Variants in CD82 observed in about 807,000 individuals in gnomAD.
CD82 encodes CD82 molecule.
A neutral mutation model predicts 37.4 loss-of-function variants in CD82; 36 were observed. That is an observed-to-expected ratio of 0.96 (90% CI 0.74 to 1.27). The LOEUF (loss-of-function observed/expected upper bound fraction) is 1.27. CD82 is among the 50% of genes most tolerant of loss of function. The pLI is 0.00. For synonymous variants in CD82, 158 were observed against 137.4 expected (o/e 1.15, Z -1.05); for missense variants, 340 against 347.0 (o/e 0.98, Z 0.16).
At chr11:44,564,432 A>T, upstream of CD82, 1 of 456,130 alleles carries the variant, frequency 2.2e-6, no homozygotes, top group Non-Finnish European at 4.4e-6. Flanking sequence ...GTGTTGTGAG[A>T]GGACATTGTG....
In CD82 at chr11:44,587,223, A is replaced by G. The variant is rs181300177; in HGVS notation, c.-102-252A>G. 5.8e-3 allele frequency: 1,993 copies of G among 345,280 alleles called. 9 individuals are homozygous for G. Among genetic ancestry groups the G allele is most frequent in the Non-Finnish European group, 7.7e-3 (1,342 of 173,276 alleles). The allele number at this position is 345,280 out of a possible 1,614,324, so 21.4% of individuals were successfully genotyped here. On this transcript the variant is annotated intron_variant, in intron 1 of 9. Transcript: ENST00000227155. Reference sequence around the variant, plus strand: ...CAAGGCTTGTGGGAAAATACGGGAAAAGAGTAATTCTGGCAGAGAAACCCT... The same window carrying G: ...CAAGGCTTGTGGGAAAATACGGGAAGAGAGTAATTCTGGCAGAGAAACCCT...
chr11:44,587,166 C>G, intron 1 of CD82: 1 of 340,910 alleles, frequency 2.9e-6, no homozygotes, highest in South Asian at 2.3e-5. Context: ...TTAGGGAGGG[C>G]CTTTGGGAGG....
chr11:44,586,652 T>A (rs1360816950), intron 1 of CD82, among the ~76,000 whole-genome samples: 2 of 152,054 alleles, frequency 1.3e-5, no homozygotes, highest in Admixed American at 6.6e-5. Flanking sequence ...CAGAGTGAGG[T>A]CCTGTCTCAA....
In CD82 at chr11:44,597,129, G is replaced by C. The variant is rs1853240227; in HGVS notation, c.63+2404G>C. ...TGGGAGGGGTTTCGTGGTTGGATTT[G>C]TGGTTTGGAAAAATCCCCGTGGCTG... On this transcript the variant is annotated intron_variant, in intron 3 of 9. Transcript: ENST00000227155. This position sits in a 1 kb window ranked among gnomAD's most constrained non-coding sequence, Gnocchi z 4.1. 6.6e-6 allele frequency among the ~76,000 whole-genome samples: 1 copy of C among 152,214 alleles called. No individual in the cohort carries two copies. The highest frequency in any genetic ancestry group is 2.4e-5 in the African/African-American group (1 of 41,440).
intron 1 of CD82, among the ~76,000 whole-genome samples, chr11:44,583,396 T>C (rs1205438789): frequency 6.6e-6 from 1 of 152,186 alleles, no homozygotes; most frequent in Non-Finnish European, 1.5e-5. Context: ...AAGCAAAACC[T>C]CCTGAGAAGG....
chr11:44,604,937 G>A (rs1440283547), intron 4 of CD82, 121 bp from the exon 5 acceptor site: 1 of 1,378,970 alleles, frequency 7.3e-7, no homozygotes, highest in Non-Finnish European at 1.0e-6. Context: ...AGCCAGCAGG[G>A]GAATGCAGCT....
At chr11:44,590,570 C>T (rs7350504) in intron 2 of CD82, among the ~76,000 whole-genome samples, 1,881 of 131,934 alleles carry the variant, frequency 0.014, 21 homozygotes, top group Admixed American at 0.022. Context: ...AAGATTGTGC[C>T]TCTGCCCTCC....
intron 8 of CD82, 55 bp downstream of exon 8, chr11:44,618,420 T>A: frequency 6.7e-7 from 1 of 1,484,068 alleles, no homozygotes; most frequent in Non-Finnish European, 9.3e-7. Context: ...GGGGGCCATC[T>A]GGGCTACTGC....
At chr11:44,618,447 G>A in intron 8 of CD82, 82 bp downstream of exon 8, 1 of 1,260,034 alleles carries the variant, frequency 7.9e-7, no homozygotes, top group Non-Finnish European at 1.1e-6. Context: ...ATTCCTTCCT[G>A]CATTTAGTTC....
At chr11:44,596,606 C>T (rs1360453960) in intron 3 of CD82, among the ~76,000 whole-genome samples, 1 of 152,144 alleles carries the variant, frequency 6.6e-6, no homozygotes, top group Non-Finnish European at 1.5e-5. Flanking sequence ...CCTTTTGGCT[C>T]CTCCAGGGGC....
chr11:44,619,340 A>C lies in CD82; in HGVS notation c.*214A>C, dbSNP rs1590355332. 4 of 557,222 alleles carry C rather than the reference A, an allele frequency of 7.2e-6. No homozygotes were observed. Among genetic ancestry groups the C allele is most frequent in the East Asian group, 6.0e-5 (2 of 33,576 alleles). The allele number at this position is 557,222 out of a possible 1,614,324, so 34.5% of individuals were successfully genotyped here. ...TGGCTGTTCTGTGGTTCCTCTGCTCACCGCCCATCAGGGTTCTCTTAGCAA... is the reference window on the plus strand; with the variant it reads ...TGGCTGTTCTGTGGTTCCTCTGCTCCCCGCCCATCAGGGTTCTCTTAGCAA... On this transcript the variant is annotated 3_prime_UTR_variant, in exon 10 of 10. Coordinates refer to ENST00000227155, the MANE Select transcript of CD82 (RefSeq NM_002231.4).
chr11:44,593,258 C>T (rs751800417), intron 2 of CD82, among the ~76,000 whole-genome samples: 5 of 152,236 alleles, frequency 3.3e-5, no homozygotes, highest in Non-Finnish European at 7.3e-5. Flanking sequence ...GAGTGAAGCC[C>T]GGGCCTCCGG....
rs755265941 is a variant in CD82 at position 44,618,283 on chromosome 11, C to T, written c.560C>T (p.Ser187Phe). The change falls in exon 8 of 10, where the codon TCT (serine) becomes TTT (phenylalanine). Residue 187 changes from serine to phenylalanine, a missense_variant. By Grantham distance (155) the Ser-to-Phe change is radical. Transcript: ENST00000227155. ...EVKGEEDNSL[S>F]VRKGFCEAPG... ...AAGGGGGAAGAGGACAACAGCCTTT[C>T]TGTGAGGAAGGGCTTCTGCGAGGCC... The T allele has an allele frequency of 8.7e-6, 14 of 1,613,930 alleles. No individual in the cohort carries two copies. In the Admixed American group the frequency reaches 1.8e-4, roughly 21 times the overall value.
chr11:44,617,428 G>A (rs541670085), intron 7 of CD82, among the ~76,000 whole-genome samples: 4 of 152,066 alleles, frequency 2.6e-5, no homozygotes, highest in African/African-American at 9.6e-5. Flanking sequence ...GCGTGATGGC[G>A]AGTGCCTGTA....
At chr11:44,572,571 G>T (rs1852828862) in intron 1 of CD82, among the ~76,000 whole-genome samples, 2 of 152,236 alleles carry the variant, frequency 1.3e-5, no homozygotes, top group African/African-American at 4.8e-5. Context: ...CTTGGAGGGA[G>T]TGCCTATGGT....
intron 4 of CD82, among the ~76,000 whole-genome samples, chr11:44,600,500 C>T (rs1034758415): frequency 2.0e-5 from 3 of 152,318 alleles, no homozygotes; most frequent in Admixed American, 1.3e-4. Context: ...CTTCCTGGCC[C>T]CTTCCCTTGG....
At chr11:44,604,111 C>A (rs544460658) in intron 4 of CD82, among the ~76,000 whole-genome samples, 2 of 152,316 alleles carry the variant, frequency 1.3e-5, no homozygotes, top group African/African-American at 4.8e-5. Context: ...CTGCAGTTAG[C>A]CAGCTTTGGT....
chr11:44,572,039 C>T (rs1259494835), intron 1 of CD82, among the ~76,000 whole-genome samples: 1 of 152,200 alleles, frequency 6.6e-6, no homozygotes, highest in Non-Finnish European at 1.5e-5. Flanking sequence ...GCATTTGCTG[C>T]ACTTGGCTTT....
At chr11:44,581,931 C>T (rs1033972714) in intron 1 of CD82, among the ~76,000 whole-genome samples, 4 of 152,228 alleles carry the variant, frequency 2.6e-5, no homozygotes, top group Admixed American at 1.3e-4. Context: ...GCTAAACCTG[C>T]AGGTGCCTGG....
Sources: gnomAD v4.1 joint callset for allele counts (sites outside exome capture counted in the v4.1 genomes callset) on GRCh38, gnomAD v4.1.1 for gene constraint, Gnocchi (gnomAD v3.1) non-coding constraint, MANE v1.5 for transcripts, NCBI Gene and HGNC (gene_info 2026-07-23, HGNC 2026-07-21) for gene names.